LHPP: variants seen among roughly 807,000 people sequenced by gnomAD.
LHPP encodes the protein phospholysine phosphohistidine inorganic pyrophosphate phosphatase.
A neutral mutation model predicts 30.3 loss-of-function variants in LHPP; 24 were observed. That is an observed-to-expected ratio of 0.79 (90% confidence interval 0.57 to 1.11). The LOEUF (loss-of-function observed/expected upper bound fraction) is 1.11. Ranked by LOEUF, LHPP falls within the 50% of genes most tolerant of loss-of-function variation. The pLI, the probability that LHPP is intolerant of heterozygous loss-of-function variation, is 0.00. For synonymous variants in LHPP, 150 were observed against 157.1 expected, an observed-to-expected ratio of 0.95 and a Z score of 0.34; for missense variants, 356 against 367.2, an observed-to-expected ratio of 0.97 and a Z score of 0.25.
rs1193112159 is a variant in LHPP, at chr10:124,526,289, C to CTCA, written c.716+9020_716+9022dup. 5 of 957,320 alleles carry CTCA rather than the reference C, an allele frequency of 5.2e-6. No individual in the cohort carries two copies. The African/African-American group carries it at 7.1e-5, about 14-fold the overall frequency. The allele number at this position is 957,320 out of a possible 1,614,324, so 59.3% of individuals were successfully genotyped here. Reference sequence around the variant, plus strand: ...GGTATGCCTCATGGCGGGGCCAGTGCTCATGCTTACACACACTCAGCCTCA... The same window carrying CTCA: ...GGTATGCCTCATGGCGGGGCCAGTGCTCATCATGCTTACACACACTCAGCCTCA... On this transcript the variant is annotated intron_variant, in intron 6 of 6. Coordinates refer to ENST00000368842, the MANE Select transcript of LHPP (RefSeq NM_022126.4).
intron 6 of LHPP, among the ~76,000 whole-genome samples, chr10:124,587,738 TAAAAAAAAAAAAAAA>T (rs747954796): frequency 1.9e-5 from 1 of 53,004 alleles, no homozygotes; most frequent in Non-Finnish European, 3.7e-5. Flanking sequence ...AGACTCCATC[TAAAAAAAAAAAAAAA>T]AAAAAAAAAA....
At chr10:124,597,923 C>A (rs578081738) in intron 6 of LHPP, among the ~76,000 whole-genome samples, 2 of 152,216 alleles carry the variant, frequency 1.3e-5, no homozygotes, top group African/African-American at 2.4e-5. Context: ...CAAGGCCCTA[C>A]GCCCAGGCCC....
intron 5 of LHPP, among the ~76,000 whole-genome samples, chr10:124,500,795 C>T (rs766292347): frequency 2.0e-5 from 3 of 151,912 alleles, no homozygotes; most frequent in Non-Finnish European, 4.4e-5. Flanking sequence ...TTCTCTATTG[C>T]TGCTGGGAAG....
intron 5 of LHPP, among the ~76,000 whole-genome samples, chr10:124,501,613 AAAAAAAAAG>A (rs1244705638): frequency 6.7e-6 from 1 of 150,342 alleles, no homozygotes; most frequent in East Asian, 1.9e-4. Context: ...AAAAAAAAAA[AAAAAAAAAG>A]AAAAATATTC....
intron 2 of LHPP, 121 bp downstream of exon 2, chr10:124,484,447 C>T: frequency 1.0e-6 from 1 of 969,208 alleles, no homozygotes; most frequent in Non-Finnish European, 1.5e-6. Flanking sequence ...CACCAACACT[C>T]ATGGGTTGGG....
intron 5 of LHPP, among the ~76,000 whole-genome samples, chr10:124,503,563 G>C (rs1340083296): frequency 6.6e-6 from 1 of 151,884 alleles, no homozygotes; most frequent in Non-Finnish European, 1.5e-5. Flanking sequence ...TTGATGTTTA[G>C]GGAATTGGCT....
At chr10:124,499,620 C>T (rs1953842980) in intron 5 of LHPP, among the ~76,000 whole-genome samples, 1 of 151,932 alleles carries the variant, frequency 6.6e-6, no homozygotes. Flanking sequence ...CATGCCACTG[C>T]ACTCCACCTG....
intron 1 of LHPP, among the ~76,000 whole-genome samples, chr10:124,463,424 G>T (rs145037586): frequency 6.6e-6 from 1 of 151,020 alleles, no homozygotes; most frequent in Non-Finnish European, 1.5e-5. Flanking sequence ...GTGCAGTGGC[G>T]CCATCTGGGC....
chr10:124,534,832 CG>C (rs1270621081), intron 6 of LHPP, among the ~76,000 whole-genome samples: 1 of 152,078 alleles, frequency 6.6e-6, no homozygotes, highest in Non-Finnish European at 1.5e-5. Context: ...TTGACCTGAC[CG>C]TATAAAGTAG....
intron 1 of LHPP, among the ~76,000 whole-genome samples, chr10:124,481,374 T>C (rs12769592): frequency 0.054 from 864 of 16,118 alleles, 5 homozygotes; most frequent in African/African-American, 0.088. Context: ...ATCTGCCCCC[T>C]TTTTTTTTTT....
At chr10:124,553,831 G>A (rs1036944545) in intron 6 of LHPP, 33 of 957,570 alleles carry the variant, frequency 3.4e-5, no homozygotes, top group African/African-American at 2.8e-4. Context: ...GACCTCCCCC[G>A]GGCCAGGCCC....
Position 124,496,187 on chromosome 10 carries a change from G to A in LHPP, c.468-774G>A, listed in dbSNP as rs141055348. ...GCAGCGCAGGTTAAACCACTTTCTC[G>A]CCTCATTGTAGTCAATTGGCTTAGT... On this transcript the variant is annotated intron_variant, in intron 3 of 6. Coordinates refer to ENST00000368842, the MANE Select transcript of LHPP (RefSeq NM_022126.4). This position sits in a 1 kb window ranked among gnomAD's most constrained non-coding sequence, Gnocchi z 4.3. Among the ~76,000 whole-genome samples, 127 of 152,288 alleles carry A rather than the reference G, an allele frequency of 8.3e-4. No homozygotes were observed. Among genetic ancestry groups the A allele is most frequent in the African/African-American group, 2.9e-3 (120 of 41,556 alleles).
chr10:124,480,104 T>C (rs924783296), intron 1 of LHPP, among the ~76,000 whole-genome samples: 3 of 152,178 alleles, frequency 2.0e-5, no homozygotes, highest in African/African-American at 7.2e-5. Flanking sequence ...TTTTACTCTT[T>C]AAACAATAGT....
intron 1 of LHPP, among the ~76,000 whole-genome samples, chr10:124,471,736 T>TATTTGTATATATAG (rs1952783008): frequency 7.8e-6 from 1 of 128,624 alleles, no homozygotes; most frequent in Admixed American, 9.6e-5. Flanking sequence ...TATATATATA[T>TATTTGTATATATAG]TTGTATATAT....
intron 6 of LHPP, among the ~76,000 whole-genome samples, chr10:124,544,106 G>A (rs1025626773): frequency 6.6e-6 from 1 of 152,172 alleles, no homozygotes; most frequent in African/African-American, 2.4e-5. Context: ...GAGGCCCCTC[G>A]GATGGCTGAT....
chr10:124,526,259 ACG>A (rs1446580545), intron 6 of LHPP: 2 of 984,052 alleles, frequency 2.0e-6, no homozygotes, highest in Non-Finnish European at 2.4e-6. Context: ...AAGGGGGATA[ACG>A]CAGGTATGCC....
At chr10:124,515,619 G>A (rs571462791) in intron 5 of LHPP, among the ~76,000 whole-genome samples, 1 of 152,296 alleles carries the variant, frequency 6.6e-6, no homozygotes, top group African/African-American at 2.4e-5. Flanking sequence ...TTTGTTGTGG[G>A]ATGCAGTTAA....
intron 2 of LHPP, 102 bp downstream of exon 2, chr10:124,484,428 G>T: frequency 8.8e-7 from 1 of 1,133,550 alleles, no homozygotes; most frequent in Admixed American, 2.3e-5. Context: ...ACCACTGACT[G>T]AGCTAGGCCA....
intron 1 of LHPP, among the ~76,000 whole-genome samples, chr10:124,476,493 A>G (rs1952948078): frequency 6.6e-6 from 1 of 152,064 alleles, no homozygotes; most frequent in African/African-American, 2.4e-5. Context: ...ATCACTGTTT[A>G]TGGCTCGGGT....
Sources: allele counts gnomAD v4.1 joint callset (sites outside exome capture counted in the v4.1 genomes callset), GRCh38; gene constraint gnomAD v4.1.1; non-coding constraint Gnocchi (gnomAD v3.1); transcripts MANE v1.5; gene names NCBI Gene and HGNC (gene_info 2026-07-23, HGNC 2026-07-21).